The following ADGRB3 variants were observed in gnomAD, a reference collection of about 807,000 sequenced individuals.
ADGRB3 encodes adhesion G protein-coupled receptor B3, also known as brain-specific angiogenesis inhibitor 3.
ADGRB3 carries 37 observed loss-of-function variants against 193.4 expected under a neutral mutation model. The ratio of observed to expected loss-of-function variants is 0.19; its 90% CI spans 0.15 to 0.25. The LOEUF is 0.25. ADGRB3 is among the 10% of genes least tolerant of loss of function. The pLI, the probability that ADGRB3 is intolerant of heterozygous loss-of-function variation, is 1.00. For synonymous variants in ADGRB3, 690 were observed against 644.2 expected (o/e 1.07, Z -1.08); for missense variants, 1,637 against 1,852.9 (o/e 0.88, Z 2.14).
intron 11 of ADGRB3, among the ~76,000 whole-genome samples, chr6:69,007,995 G>T (rs1769815989): frequency 6.6e-6 from 1 of 152,024 alleles, no homozygotes; most frequent in South Asian, 2.1e-4. Flanking sequence ...TCCTAACATA[G>T]TGGAAAACAG....
chr6:69,074,793 C>T (rs1772181629), intron 16 of ADGRB3, among the ~76,000 whole-genome samples: 1 of 152,104 alleles, frequency 6.6e-6, no homozygotes, highest in Non-Finnish European at 1.5e-5. Context: ...GATCTGCCCT[C>T]CTTGGCCTCC....
At chr6:68,976,599 T>C (rs896022149) in intron 10 of ADGRB3, among the ~76,000 whole-genome samples, 2 of 152,292 alleles carry the variant, frequency 1.3e-5, no homozygotes, top group African/African-American at 4.8e-5. Flanking sequence ...ATATGTTACA[T>C]ATATTTTGTA....
chr6:68,644,324 A>G (rs1194609394), intron 3 of ADGRB3, among the ~76,000 whole-genome samples: 2 of 152,186 alleles, frequency 1.3e-5, no homozygotes, highest in African/African-American at 4.8e-5. Context: ...ACAAGGACTT[A>G]CTAACAAATA....
chr6:69,018,026 T>C (rs1770147382), intron 12 of ADGRB3, among the ~76,000 whole-genome samples: 2 of 151,934 alleles, frequency 1.3e-5, no homozygotes, highest in Admixed American at 6.6e-5. Flanking sequence ...GTTCCTCATA[T>C]AGATGCCAAG....
rs1288219248 is a variant in ADGRB3 at position 68,762,497 on chromosome 6, TAG to T, written c.757+123078_757+123079del. On this transcript the variant is annotated intron_variant, in intron 3 of 31. Transcript: ENST00000370598. The stretch of plus-strand genomic sequence containing the variant: ...AAGTCCAACCATGAATATATATATA[TAG>T]AGAGAGAGAGAGTGATAGAGGTGAC... Among the ~76,000 whole-genome samples the T allele has an allele frequency of 7.4e-3, 1,121 of 150,574 alleles. 16 individuals are homozygous for T. The highest frequency in any genetic ancestry group is 0.026 in the African/African-American group (1,064 of 41,130).
chr6:68,675,859 C>T (rs1769075056), intron 3 of ADGRB3, among the ~76,000 whole-genome samples: 1 of 152,164 alleles, frequency 6.6e-6, no homozygotes, highest in African/African-American at 2.4e-5. Flanking sequence ...TTGGAAACTT[C>T]TCCCAATCAT....
At chr6:69,107,761 G>T (rs1773253628) in intron 17 of ADGRB3, among the ~76,000 whole-genome samples, 1 of 152,098 alleles carries the variant, frequency 6.6e-6, no homozygotes, top group Non-Finnish European at 1.5e-5. Context: ...GCAGCTAGAG[G>T]CCACTATCCT....
At chr6:69,113,877 T>C (rs758790198) in intron 17 of ADGRB3, among the ~76,000 whole-genome samples, 1 of 152,206 alleles carries the variant, frequency 6.6e-6, no homozygotes, top group Non-Finnish European at 1.5e-5. Flanking sequence ...GTCACCTAAG[T>C]CAGCCTGGGT....
intron 30 of ADGRB3, 68 bp from the exon 31 acceptor site, chr6:69,382,763 T>C (rs1769978728): frequency 1.7e-6 from 2 of 1,203,788 alleles, no homozygotes; most frequent in South Asian, 1.6e-5. Context: ...AGCAAAAATA[T>C]TAAATCTCTC....
At chr6:68,832,964 T>G (rs1028299738) in intron 3 of ADGRB3, among the ~76,000 whole-genome samples, 1 of 152,164 alleles carries the variant, frequency 6.6e-6, no homozygotes, top group South Asian at 2.1e-4. Context: ...CATGTTAGCA[T>G]CTGCCCACTG....
intron 11 of ADGRB3, among the ~76,000 whole-genome samples, chr6:69,000,078 C>T (rs1246187867): frequency 1.3e-5 from 2 of 151,984 alleles, no homozygotes; most frequent in African/African-American, 4.8e-5. Flanking sequence ...AACTTTAAGA[C>T]TTAATAAAAT....
intron 5 of ADGRB3, among the ~76,000 whole-genome samples, chr6:68,940,413 A>G (rs1767602539): frequency 6.6e-6 from 1 of 151,960 alleles, no homozygotes; most frequent in African/African-American, 2.4e-5. Flanking sequence ...AGTTGTGACA[A>G]CCAAATATGT....
At chr6:69,204,942 CTGTGCCT>C (rs1765504907) in intron 17 of ADGRB3, among the ~76,000 whole-genome samples, 1 of 152,120 alleles carries the variant, frequency 6.6e-6, no homozygotes, top group African/African-American at 2.4e-5. Context: ...GAAAATCATA[CTGTGCCT>C]GTTAAGACAT....
intron 20 of ADGRB3, among the ~76,000 whole-genome samples, chr6:69,283,626 A>G (rs1027465867): frequency 2.0e-5 from 3 of 151,984 alleles, no homozygotes; most frequent in African/African-American, 7.3e-5. Flanking sequence ...AAAGCTTAGC[A>G]CATTGGTTGG....
chr6:68,879,212 G>A (rs1037331072), intron 3 of ADGRB3, among the ~76,000 whole-genome samples: 6 of 124,830 alleles, frequency 4.8e-5, no homozygotes, highest in African/African-American at 6.5e-5. Flanking sequence ...ACTTTTTGTC[G>A]CTTTTTTTTT....
intron 3 of ADGRB3, among the ~76,000 whole-genome samples, chr6:68,902,417 A>G (rs1457079259): frequency 1.3e-5 from 2 of 152,146 alleles, no homozygotes; most frequent in African/African-American, 2.4e-5. Flanking sequence ...CGCAAGAAAC[A>G]GTAGACTAGA....
rs1766195590 is a variant in ADGRB3, at chr6:69,233,481, C to T, written c.2607+65C>T. 2.5e-6 allele frequency: 4 copies of T among 1,590,512 alleles called. No homozygotes were observed. The South Asian group carries it at 3.4e-5, about 13-fold the overall frequency. On this transcript the variant is annotated intron_variant, in intron 18 of 31. Transcript: ENST00000370598. The stretch of plus-strand genomic sequence containing the variant: ...AGGGATATTGTGGCTAGTGTTTCTC[C>T]AGGGAACTGCATTTTAAATGGGGAA...
intron 23 of ADGRB3, chr6:69,332,109 G>A (rs1768743295): frequency 2.0e-6 from 2 of 985,402 alleles, no homozygotes; most frequent in Non-Finnish European, 2.4e-6. Flanking sequence ...CATTGGACTG[G>A]ATTCCTTGAT....
At chr6:69,322,901 A>G (rs768568741) in intron 20 of ADGRB3, among the ~76,000 whole-genome samples, 1 of 151,968 alleles carries the variant, frequency 6.6e-6, no homozygotes, top group Non-Finnish European at 1.5e-5. Flanking sequence ...CTTTAGCTAC[A>G]ACACATTTCC....
Sources: gnomAD v4.1 joint callset for allele counts (sites outside exome capture counted in the v4.1 genomes callset) on GRCh38, gnomAD v4.1.1 for gene constraint, MANE v1.5 for transcripts, NCBI Gene and HGNC (gene_info 2026-07-23, HGNC 2026-07-21) for gene names.